Variants in TFAP2D observed in about 807,000 individuals in gnomAD.
TFAP2D encodes the protein transcription factor AP-2 delta, also known as transcription factor AP-2-delta.
A neutral mutation model predicts 43.6 loss-of-function variants in TFAP2D; 9 were observed. The observed-to-expected ratio is 0.21, with a 90% CI of 0.12 to 0.36. TFAP2D has a LOEUF of 0.36. Ranked by LOEUF, TFAP2D falls within the 10% of genes least tolerant of loss-of-function variation. The pLI is 1.00. For missense variants in TFAP2D, 513 were observed against 561.4 expected, an observed-to-expected ratio of 0.91 and a Z score of 0.87; for synonymous variants, 256 against 224.9, an observed-to-expected ratio of 1.14 and a Z score of -1.24.
chr6:50,752,945 A>T (rs1340523281), intron 7 of TFAP2D, among the ~76,000 whole-genome samples: 1 of 151,846 alleles, frequency 6.6e-6, no homozygotes, highest in African/African-American at 2.4e-5. Context: ...CCCCTTCATT[A>T]TATGGTCATA....
intron 7 of TFAP2D, among the ~76,000 whole-genome samples, chr6:50,763,489 T>C (rs906032019): frequency 2.6e-5 from 4 of 152,144 alleles, no homozygotes; most frequent in Admixed American, 2.6e-4. Flanking sequence ...TGCACTCAAT[T>C]ATATTGCTAC....
rs1769289582 is a variant in TFAP2D, at chr6:50,757,435, A to C, written c.1139+6111A>C. 2.0e-5 allele frequency among the ~76,000 whole-genome samples: 2 copies of C among 102,066 alleles called. 1 individual carries two copies. The highest frequency in any genetic ancestry group is 5.5e-4 in the South Asian group (2 of 3,668). 67.0% of individuals were successfully genotyped at this position (102,066 alleles called of 152,430 possible). A position where few individuals can be genotyped will look rare whatever the true frequency, so the allele number is the denominator to read the frequency against. On this transcript the variant is annotated intron_variant, in intron 7 of 7. Coordinates refer to ENST00000008391, the MANE Select transcript of TFAP2D (RefSeq NM_172238.4). ...TTCTCTCTATATAGAATATATATAG[A>C]ATATATATACTTATTCTATATATAT...
chr6:50,735,450 G>A (rs1768949675), intron 5 of TFAP2D, among the ~76,000 whole-genome samples: 1 of 152,070 alleles, frequency 6.6e-6, no homozygotes. Context: ...ACTTTCTTAT[G>A]TCCAAGCTTC....
chr6:50,728,605 A>C (rs553881143), intron 3 of TFAP2D, among the ~76,000 whole-genome samples: 2 of 152,278 alleles, frequency 1.3e-5, no homozygotes, highest in South Asian at 4.1e-4. Flanking sequence ...GTCAGTCTAC[A>C]CTCCGTAGGA....
chr6:50,743,551 T>C (rs1769083760), intron 5 of TFAP2D, among the ~76,000 whole-genome samples: 1 of 151,956 alleles, frequency 6.6e-6, no homozygotes, highest in South Asian at 2.1e-4. Flanking sequence ...TCTGACTAAT[T>C]TTTAAATTTT....
chr6:50,728,999 C>T lies in TFAP2D; in HGVS notation c.742C>T (p.Leu248Phe). ...CCCACCTGAGTGCCTCAATGCTTCA[C>T]TCTTGGGAGGCATTTTGAGAAGGTA... ...LSPPECLNASLLGGILRRAKS... is the reference protein window; with the variant it reads ...LSPPECLNASFLGGILRRAKS... The change falls in exon 4 of 8, where the codon CTC becomes TTC. Residue 248 changes from leucine (L) to phenylalanine (F), a missense_variant. This residue lies in a region of TFAP2D where 311 missense variants were observed against 316.2 expected (regional missense o/e 0.98). Coordinates refer to ENST00000008391, the MANE Select transcript of TFAP2D (RefSeq NM_172238.4). 6.2e-7 allele frequency: 1 copy of T among 1,613,914 alleles called. No homozygotes were observed. Among genetic ancestry groups the T allele is most frequent in the Non-Finnish European group, 8.5e-7 (1 of 1,179,882 alleles).
At chr6:50,771,955 C>T (rs887247456) in intron 7 of TFAP2D, among the ~76,000 whole-genome samples, 8 of 151,980 alleles carry the variant, frequency 5.3e-5, no homozygotes, top group Non-Finnish European at 8.8e-5. Flanking sequence ...ATGTTTATTG[C>T]GGCACTATTC....
At chr6:50,740,678 C>A (rs116197843) in intron 5 of TFAP2D, among the ~76,000 whole-genome samples, 9 of 152,086 alleles carry the variant, frequency 5.9e-5, no homozygotes, top group Non-Finnish European at 1.3e-4. Context: ...ACCTCGTGAT[C>A]CACTGGGCTT....
intron 6 of TFAP2D, among the ~76,000 whole-genome samples, chr6:50,747,832 T>C (rs1336713361): frequency 6.6e-6 from 1 of 152,078 alleles, no homozygotes; most frequent in Non-Finnish European, 1.5e-5. Context: ...AGTATTTTCC[T>C]TTTACCTGGG....
chr6:50,731,323 A>C (rs1012949005), intron 5 of TFAP2D, among the ~76,000 whole-genome samples: 1 of 152,060 alleles, frequency 6.6e-6, no homozygotes, highest in African/African-American at 2.4e-5. Flanking sequence ...CAGGATGTAG[A>C]GAAATAAATC....
intron 6 of TFAP2D, among the ~76,000 whole-genome samples, chr6:50,745,868 A>G (rs1769118768): frequency 6.6e-6 from 1 of 152,304 alleles, no homozygotes; most frequent in South Asian, 2.1e-4. Context: ...AATAATGAGG[A>G]AAACGATGTA....
intron 5 of TFAP2D, among the ~76,000 whole-genome samples, chr6:50,733,112 T>C (rs1768915929): frequency 6.6e-6 from 1 of 152,108 alleles, no homozygotes; most frequent in Non-Finnish European, 1.5e-5. Context: ...TTTTTCCACC[T>C]GATAAAGTTG....
At chr6:50,769,815 G>T (rs778553698) in intron 7 of TFAP2D, among the ~76,000 whole-genome samples, 1 of 152,116 alleles carries the variant, frequency 6.6e-6, no homozygotes, top group Non-Finnish European at 1.5e-5. Flanking sequence ...TCAGTTCTTC[G>T]TCTGTAAAAT....
chr6:50,750,241 G>A (rs1769181909), intron 6 of TFAP2D, among the ~76,000 whole-genome samples: 2 of 151,762 alleles, frequency 1.3e-5, no homozygotes, highest in East Asian at 3.9e-4. Flanking sequence ...ACCTGTCTTT[G>A]TTTACATTGA....
chr6:50,715,698 G>C (rs1344214203), intron 2 of TFAP2D, 85 bp downstream of exon 2: 1 of 1,431,480 alleles, frequency 7.0e-7, no homozygotes, highest in Non-Finnish European at 9.4e-7. Context: ...ACTGTAAAGC[G>C]TCTCTCTTTC....
chr6:50,771,829 T>G (rs1371252094), intron 7 of TFAP2D, among the ~76,000 whole-genome samples: 2 of 152,268 alleles, frequency 1.3e-5, no homozygotes, highest in Middle Eastern at 3.4e-3. Context: ...TGGAAGTCAG[T>G]GTGGCGATTC....
intron 3 of TFAP2D, among the ~76,000 whole-genome samples, chr6:50,726,786 C>T (rs531806266): frequency 5.9e-5 from 9 of 152,092 alleles, no homozygotes; most frequent in East Asian, 3.9e-4. Flanking sequence ...AGAGTGAAAC[C>T]GATAACAAAA....
intron 5 of TFAP2D, among the ~76,000 whole-genome samples, chr6:50,742,627 TAGATGATAGATA>T (rs1769065857): frequency 6.6e-6 from 1 of 150,672 alleles, no homozygotes; most frequent in Non-Finnish European, 1.5e-5. Flanking sequence ...GATAGATAGA[TAGATGATAGATA>T]GATAGACTCT....
At chr6:50,766,152 T>A (rs188381113) in intron 7 of TFAP2D, among the ~76,000 whole-genome samples, 86 of 152,304 alleles carry the variant, frequency 5.6e-4, no homozygotes, top group African/African-American at 2.0e-3. Context: ...TTCATTAAGA[T>A]CTTGTCAAAG....
Sources: gnomAD v4.1 joint callset for allele counts (sites outside exome capture counted in the v4.1 genomes callset) on GRCh38, gnomAD v4.1.1 for gene constraint, gnomAD v4.1.1 regional missense constraint, MANE v1.5 for transcripts, NCBI Gene and HGNC (gene_info 2026-07-23, HGNC 2026-07-21) for gene names.